The following KCNJ15 variants were observed in gnomAD, a reference collection of about 807,000 sequenced individuals.
KCNJ15 encodes the protein potassium inwardly rectifying channel subfamily J member 15.
KCNJ15 carries 14 observed loss-of-function variants against 23.0 expected under a neutral mutation model. The ratio of observed to expected loss-of-function variants is 0.61; its 90% CI spans 0.40 to 0.95. The LOEUF is 0.95. Among genes scored for constraint, KCNJ15 ranks in the 40% least tolerant of loss-of-function variants. The pLI is 0.00. For synonymous variants in KCNJ15, 185 were observed against 183.2 expected, an observed-to-expected ratio of 1.01 and a Z score of -0.08; for missense variants, 388 against 461.8, an observed-to-expected ratio of 0.84 and a Z score of 1.46.
intron 1 of KCNJ15, among the ~76,000 whole-genome samples, chr21:38,236,857 A>G (rs935963428): frequency 7.9e-5 from 12 of 152,250 alleles, no homozygotes; most frequent in African/African-American, 2.9e-4. Context: ...TTATTCAATC[A>G]TAAGCCTTAT....
intron 1 of KCNJ15, among the ~76,000 whole-genome samples, chr21:38,287,056 AT>A (rs144989495): frequency 0.031 from 4,755 of 152,296 alleles, 180 homozygotes; most frequent in East Asian, 0.088. Context: ...TTTTAATATC[AT>A]TGGTGTCTTC....
intron 1 of KCNJ15, among the ~76,000 whole-genome samples, chr21:38,235,852 GCAC>G (rs1180561845): frequency 6.6e-6 from 1 of 152,128 alleles, no homozygotes; most frequent in Admixed American, 6.5e-5. Flanking sequence ...CATCTGTAAA[GCAC>G]TCTAGAAGTT....
chr21:38,278,722 G>T (rs1356147916), intron 1 of KCNJ15, among the ~76,000 whole-genome samples: 1 of 152,174 alleles, frequency 6.6e-6, no homozygotes, highest in African/African-American at 2.4e-5. Context: ...CGGGCAGATG[G>T]CATGGCATCA....
upstream of KCNJ15, among the ~76,000 whole-genome samples, chr21:38,252,214 T>C (rs1979885003): frequency 6.6e-6 from 1 of 152,232 alleles, no homozygotes; most frequent in Non-Finnish European, 1.5e-5. Context: ...TCTTTAATTA[T>C]TTGCTCTTCA....
chr21:38,233,875 C>T (rs1015780142), intron 1 of KCNJ15, among the ~76,000 whole-genome samples: 21 of 151,952 alleles, frequency 1.4e-4, no homozygotes, highest in Admixed American at 8.5e-4. Flanking sequence ...ATATATGTAA[C>T]GAACCTAAAA....
At chr21:38,285,986 G>C (rs900606734) in intron 1 of KCNJ15, among the ~76,000 whole-genome samples, 1 of 152,228 alleles carries the variant, frequency 6.6e-6, no homozygotes, top group Non-Finnish European at 1.5e-5. Flanking sequence ...GTTCATGCCT[G>C]TAATCCCAGC....
intron 1 of KCNJ15, among the ~76,000 whole-genome samples, chr21:38,273,088 A>T (rs1437921296): frequency 1.3e-5 from 2 of 152,220 alleles, no homozygotes; most frequent in South Asian, 2.1e-4. Context: ...CAGTGACAAG[A>T]TGTGTAAATG....
chr21:38,251,763 G>A (rs1021085955), upstream of KCNJ15, among the ~76,000 whole-genome samples: 7 of 152,182 alleles, frequency 4.6e-5, no homozygotes, highest in Non-Finnish European at 7.3e-5. Context: ...GATTTCTTAG[G>A]ATGTGGGACT....
At chr21:38,240,946 A>G (rs961394868) in intron 1 of KCNJ15, among the ~76,000 whole-genome samples, 1 of 152,164 alleles carries the variant, frequency 6.6e-6, no homozygotes, top group African/African-American at 2.4e-5. Flanking sequence ...AAAATGATAC[A>G]TGTGTATTAA....
At position 38,305,690 on chromosome 21, in the gene KCNJ15, G is replaced by A. The variant is rs1380722270; in HGVS notation, c.*5301G>A. ...TTTTTTCCCCATATATTACAAAATT[G>A]CCTTGGAAATTAGACAAATCTTCAA... On this transcript the variant is annotated 3_prime_UTR_variant, in exon 3 of 3. Coordinates refer to ENST00000398938, the MANE Select transcript of KCNJ15 (RefSeq NM_170736.3). The A allele has an allele frequency of 6.6e-6, 1 of 152,132 alleles. No individual in the cohort carries two copies. Among genetic ancestry groups the A allele is most frequent in the Non-Finnish European group, 1.5e-5 (1 of 68,036 alleles). 9.4% of individuals were successfully genotyped at this position (152,132 alleles called of 1,614,324 possible).
At chr21:38,247,805 A>T (rs1313159055) in intron 1 of KCNJ15, among the ~76,000 whole-genome samples, 1 of 152,194 alleles carries the variant, frequency 6.6e-6, no homozygotes, top group East Asian at 1.9e-4. Flanking sequence ...ATAAACATTC[A>T]CATGGTCCAG....
rs566682598 is a variant in KCNJ15, at chr21:38,286,104, G to A, written c.-116-10822G>A. On this transcript the variant is annotated intron_variant, in intron 1 of 2. Transcript: ENST00000398938. ...TAAAAATACAAAATATTAGCTGGGC[G>A]TGGTGGCGGGTGCCTGTAGTCCCAG... Among the ~76,000 whole-genome samples the A allele has an allele frequency of 5.9e-5, 9 of 152,278 alleles. No homozygotes were observed. In the East Asian group the frequency reaches 7.7e-4, roughly 13 times the overall value.
At chr21:38,296,233 T>C (rs58910649) in intron 1 of KCNJ15, among the ~76,000 whole-genome samples, 1 of 152,042 alleles carries the variant, frequency 6.6e-6, no homozygotes, top group Non-Finnish European at 1.5e-5. Context: ...ATTGGTGATA[T>C]ATAATAAATG....
intron 1 of KCNJ15, among the ~76,000 whole-genome samples, chr21:38,264,310 G>A (rs1258084167): frequency 1.3e-5 from 2 of 152,220 alleles, no homozygotes; most frequent in African/African-American, 4.8e-5. Context: ...ACTCAGGTCT[G>A]GCACTAGCCT....
At chr21:38,273,702 G>A (rs1368145067) in intron 1 of KCNJ15, among the ~76,000 whole-genome samples, 1 of 152,198 alleles carries the variant, frequency 6.6e-6, no homozygotes, top group East Asian at 1.9e-4. Flanking sequence ...ATTTGTAGTA[G>A]CTCTGCAGCT....
chr21:38,237,502 G>C (rs1332862671), intron 1 of KCNJ15: 1 of 152,302 alleles, frequency 6.6e-6, no homozygotes, highest in Non-Finnish European at 1.5e-5. Flanking sequence ...TTATTGCACT[G>C]TCTCAATACC....
At chr21:38,279,614 G>A (rs1393129596) in intron 1 of KCNJ15, among the ~76,000 whole-genome samples, 9 of 152,126 alleles carry the variant, frequency 5.9e-5, no homozygotes, top group Non-Finnish European at 8.8e-5. Context: ...GTGGAGTGGT[G>A]AGCTGAGAGG....
At chr21:38,253,115 G>C (rs1979947720), upstream of KCNJ15, among the ~76,000 whole-genome samples, 2 of 152,144 alleles carry the variant, frequency 1.3e-5, no homozygotes, top group Admixed American at 1.3e-4. Flanking sequence ...CCAGGATTAG[G>C]CAGGGACTGG....
chr21:38,237,874 A>G (rs1978719215), intron 1 of KCNJ15, among the ~76,000 whole-genome samples: 1 of 152,212 alleles, frequency 6.6e-6, no homozygotes, highest in Non-Finnish European at 1.5e-5. Flanking sequence ...AGCTATAAAT[A>G]TGGGCATCCT....
Sources: gnomAD v4.1 joint callset for allele counts (sites outside exome capture counted in the v4.1 genomes callset) on GRCh38, gnomAD v4.1.1 for gene constraint, MANE v1.5 for transcripts, NCBI Gene and HGNC (gene_info 2026-07-23, HGNC 2026-07-21) for gene names.